The following GDPD5 variants were observed in gnomAD, a reference collection of about 807,000 sequenced individuals.
The protein encoded by GDPD5 is glycerophosphodiester phosphodiesterase 2.
Under a neutral mutation model 75.1 loss-of-function variants are expected in GDPD5, and 48 were observed. The ratio of observed to expected loss-of-function variants is 0.64; its 90% confidence interval spans 0.51 to 0.81. GDPD5 has a LOEUF of 0.81. Ranked by LOEUF, GDPD5 falls within the 40% of genes least tolerant of loss-of-function variation. The probability of loss-of-function intolerance (pLI) is 0.00; values close to 1 mark genes in which losing one functional copy is unlikely to be tolerated. For synonymous variants in GDPD5, 336 were observed against 339.0 expected (o/e 0.99, Z 0.10); for missense variants, 706 against 822.6 (o/e 0.86, Z 1.73).
chr11:75,480,814 C>T (rs535740526), intron 2 of GDPD5, among the ~76,000 whole-genome samples: 1 of 152,206 alleles, frequency 6.6e-6, no homozygotes, highest in East Asian at 1.9e-4. Context: ...TGTGAAGAGT[C>T]AAAACAAAAA....
At chr11:75,467,296 G>A (rs1949538156) in intron 3 of GDPD5, among the ~76,000 whole-genome samples, 2 of 152,220 alleles carry the variant, frequency 1.3e-5, no homozygotes. Flanking sequence ...ATGAGCTGAA[G>A]GGCTTCAAGT....
At chr11:75,511,879 C>T (rs1304371971) in intron 1 of GDPD5, among the ~76,000 whole-genome samples, 2 of 152,150 alleles carry the variant, frequency 1.3e-5, no homozygotes, top group East Asian at 3.9e-4. Context: ...GCGGGGGGAC[C>T]CCATCCTGCT....
intron 4 of GDPD5, among the ~76,000 whole-genome samples, chr11:75,459,610 C>T (rs1196404506): frequency 6.6e-6 from 1 of 152,000 alleles, no homozygotes; most frequent in Non-Finnish European, 1.5e-5. Context: ...ATCACGAGGT[C>T]AGGAGATCAA....
intron 5 of GDPD5, among the ~76,000 whole-genome samples, chr11:75,457,119 G>A (rs1238258983): frequency 2.0e-5 from 3 of 152,214 alleles, no homozygotes; most frequent in African/African-American, 4.8e-5. Flanking sequence ...AACATTTTGG[G>A]AGTTCCAGTC....
At chr11:75,461,735 AC>A (rs1949418246) in intron 4 of GDPD5, among the ~76,000 whole-genome samples, 1 of 152,220 alleles carries the variant, frequency 6.6e-6, no homozygotes, top group Admixed American at 6.5e-5. Context: ...CTTAGAGAGC[AC>A]CAGAGACTTG....
intron 12 of GDPD5, among the ~76,000 whole-genome samples, 181 bp downstream of exon 12, chr11:75,442,180 TAA>T (rs1948835571): frequency 6.6e-6 from 1 of 152,224 alleles, no homozygotes; most frequent in Admixed American, 6.5e-5. Flanking sequence ...TTATACATTT[TAA>T]AGTGTTTTCT....
intron 4 of GDPD5, among the ~76,000 whole-genome samples, chr11:75,458,672 A>AT: frequency 6.9e-6 from 1 of 144,918 alleles, no homozygotes; most frequent in Non-Finnish European, 1.5e-5. Flanking sequence ...ACTCTGTCTC[A>AT]AAAATAAATA....
At chr11:75,461,913 C>T (rs779350734) in intron 4 of GDPD5, among the ~76,000 whole-genome samples, 76 of 152,304 alleles carry the variant, frequency 5.0e-4, no homozygotes, top group Non-Finnish European at 1.0e-3. Flanking sequence ...CCTCCCATGA[C>T]CTCTCCACTG....
Position 75,464,922 on chromosome 11 carries a change from C to G in GDPD5, c.118-2033G>C, listed in dbSNP as rs527241590. Among the ~76,000 whole-genome samples the G allele has an allele frequency of 3.9e-5, 6 of 152,260 alleles. No homozygotes were observed. In the South Asian group the frequency reaches 8.3e-4, roughly 21 times the overall value. On this transcript the variant is annotated intron_variant, in intron 3 of 16. Coordinates refer to ENST00000336898, the MANE Select transcript of GDPD5 (RefSeq NM_030792.8). ...GACTCAGTCCTGCCTCCCATGGAGGCAGTCTGGGTCTGCACATGACCGTCT... is the reference window on the plus strand; with the variant it reads ...GACTCAGTCCTGCCTCCCATGGAGGGAGTCTGGGTCTGCACATGACCGTCT...
At chr11:75,439,643 C>A (rs183492152) in intron 15 of GDPD5, among the ~76,000 whole-genome samples, 1 of 152,176 alleles carries the variant, frequency 6.6e-6, no homozygotes. Flanking sequence ...TTCACCTAAG[C>A]CCACATAGCC....
intron 6 of GDPD5, chr11:75,456,442 C>T (rs145786337): frequency 4.3e-4 from 167 of 391,528 alleles, no homozygotes; most frequent in African/African-American, 3.1e-3. Flanking sequence ...CACATGACTG[C>T]GGGACCCTGG....
chr11:75,463,026 G>A, intron 3 of GDPD5, 137 bp from the exon 4 acceptor site: 1 of 674,134 alleles, frequency 1.5e-6, no homozygotes. Context: ...CTTTACCCTG[G>A]GAGAAACTGA....
At position 75,446,726 on chromosome 11, in the gene GDPD5, C is replaced by A. The variant is rs550247925; in HGVS notation, c.715-2231G>T. On this transcript the variant is annotated intron_variant, in intron 9 of 16. Coordinates refer to ENST00000336898, the MANE Select transcript of GDPD5 (RefSeq NM_030792.8). ...CATGTGGACCCAGAGTCAGAGCCCC[C>A]CAAGGCAATGCACAGGGACACACAG... is the stretch of plus-strand genomic sequence containing the variant. 7.2e-5 allele frequency among the ~76,000 whole-genome samples: 11 copies of A among 152,264 alleles called. No homozygotes were observed. In the South Asian group the frequency reaches 2.3e-3, roughly 32 times the overall value.
chr11:75,450,163 C>T (rs1270034358), intron 6 of GDPD5, among the ~76,000 whole-genome samples, 180 bp from the exon 7 acceptor site: 2 of 152,062 alleles, frequency 1.3e-5, no homozygotes, highest in Non-Finnish European at 2.9e-5. Context: ...GGCAGATAGA[C>T]ACGGCAGGGA....
At chr11:75,468,686 C>CCT in intron 3 of GDPD5, among the ~76,000 whole-genome samples, 1 of 152,034 alleles carries the variant, frequency 6.6e-6, no homozygotes, top group South Asian at 2.1e-4. Context: ...GACGCCCCCC[C>CCT]CCCGGGAGGT....
intron 3 of GDPD5, among the ~76,000 whole-genome samples, chr11:75,474,628 C>T (rs1158215676): frequency 6.6e-6 from 1 of 151,734 alleles, no homozygotes; most frequent in Non-Finnish European, 1.5e-5. Context: ...GGGGCAAAGG[C>T]TTGGAAGAGG....
intron 3 of GDPD5, among the ~76,000 whole-genome samples, chr11:75,472,604 T>C (rs1057193140): frequency 6.6e-6 from 1 of 152,044 alleles, no homozygotes; most frequent in Non-Finnish European, 1.5e-5. Context: ...CGTCCGCACA[T>C]GTACGCCTAC....
chr11:75,513,158 G>A (rs1019500764), intron 1 of GDPD5, among the ~76,000 whole-genome samples: 1 of 152,120 alleles, frequency 6.6e-6, no homozygotes, highest in African/African-American at 2.4e-5. Flanking sequence ...AAGTCTGGAG[G>A]ACCAATTTAA....
At position 75,449,138 on chromosome 11, in the gene GDPD5, C is replaced by T. The variant is rs61897374; in HGVS notation, c.569-16G>A. ...ACCTGGGAGGCTGCAGATAAGGGGC[C>T]GTGAGTGCTGCCTGGTGAGCCCTGG... On this transcript the variant is annotated splice_polypyrimidine_tract_variant and intron_variant, in intron 8 of 16. Transcript: ENST00000336898. The T allele has an allele frequency of 0.068, 106,734 of 1,563,090 alleles. 4,158 individuals are homozygous for T. Among genetic ancestry groups the T allele is most frequent in the East Asian group, 0.14 (5,930 of 41,812 alleles).
Sources: allele counts gnomAD v4.1 joint callset (sites outside exome capture counted in the v4.1 genomes callset), GRCh38; gene constraint gnomAD v4.1.1; transcripts MANE v1.5; gene names NCBI Gene and HGNC (gene_info 2026-07-23, HGNC 2026-07-21).